Variants in TAFA5 observed in about 807,000 individuals in gnomAD.
TAFA5 encodes the protein chemokine-like protein TAFA-5.
Under a neutral mutation model 15.3 loss-of-function variants are expected in TAFA5, and 6 were observed. The observed-to-expected ratio is 0.39, with a 90% CI of 0.21 to 0.77. TAFA5 has a LOEUF of 0.77. Among genes scored for constraint, TAFA5 ranks in the 30% least tolerant of loss-of-function variants. The pLI, the probability that TAFA5 is intolerant of heterozygous loss-of-function variation, is 0.41. For missense variants in TAFA5, 161 were observed against 193.1 expected, an observed-to-expected ratio of 0.83 and a Z score of 0.98; for synonymous variants, 103 against 80.7, an observed-to-expected ratio of 1.28 and a Z score of -1.48.
chr22:48,664,983 C>G (rs1927563273), intron 2 of TAFA5, among the ~76,000 whole-genome samples: 1 of 152,166 alleles, frequency 6.6e-6, no homozygotes, highest in Non-Finnish European at 1.5e-5. Flanking sequence ...GTGACCTAGC[C>G]ACGGTAGGCC....
intron 2 of TAFA5, among the ~76,000 whole-genome samples, chr22:48,655,096 G>A (rs1253488980): frequency 6.6e-6 from 1 of 152,184 alleles, no homozygotes; most frequent in Non-Finnish European, 1.5e-5. Context: ...CTGTCATTGT[G>A]TACTGGGCAT....
intron 3 of TAFA5, among the ~76,000 whole-genome samples, chr22:48,748,396 G>T (rs548681414): frequency 7.6e-4 from 116 of 152,346 alleles, no homozygotes; most frequent in African/African-American, 2.7e-3. Flanking sequence ...GGCCCCAGGG[G>T]TGCAGTGAGG....
At chr22:48,578,072 C>G (rs369744392) in intron 1 of TAFA5, among the ~76,000 whole-genome samples, 3 of 152,256 alleles carry the variant, frequency 2.0e-5, no homozygotes, top group Non-Finnish European at 4.4e-5. Context: ...AAAGGGGTCC[C>G]TGCTCTGCTG....
chr22:48,542,630 G>GGGGTGTGATGTGT (rs1922486159), intron 1 of TAFA5, among the ~76,000 whole-genome samples: 1 of 16,892 alleles, frequency 5.9e-5, no homozygotes, highest in African/African-American at 3.8e-4. Context: ...GGTGTGTGTG[G>GGGGTGTGATGTGT]GTGTGTGATG....
intron 1 of TAFA5, among the ~76,000 whole-genome samples, chr22:48,561,119 G>C (rs578031800): frequency 6.6e-6 from 1 of 152,242 alleles, no homozygotes; most frequent in East Asian, 1.9e-4. Context: ...CTGGGAAGGC[G>C]TGTGTGATCA....
At chr22:48,600,075 A>T (rs142298396) in intron 1 of TAFA5, among the ~76,000 whole-genome samples, 458 of 152,284 alleles carry the variant, frequency 3.0e-3, no homozygotes, top group Non-Finnish European at 3.1e-3. Flanking sequence ...TTGAGATTCC[A>T]GTCAAAATAA....
intron 2 of TAFA5, chr22:48,693,270 T>A: frequency 6.4e-7 from 1 of 1,573,976 alleles, no homozygotes; most frequent in Non-Finnish European, 8.6e-7. Flanking sequence ...TCAGACCTTT[T>A]CATCCCATAA....
At chr22:48,604,378 G>A (rs1264085568) in intron 1 of TAFA5, among the ~76,000 whole-genome samples, 3 of 152,238 alleles carry the variant, frequency 2.0e-5, no homozygotes, top group South Asian at 4.1e-4. Flanking sequence ...CAGATTCCAC[G>A]GTGTTTTCTC....
At chr22:48,674,810 T>G (rs1927918564) in intron 2 of TAFA5, among the ~76,000 whole-genome samples, 1 of 152,196 alleles carries the variant, frequency 6.6e-6, no homozygotes, top group East Asian at 1.9e-4. Context: ...CCTGGCCCGA[T>G]GCACAGTTTT....
intron 1 of TAFA5, among the ~76,000 whole-genome samples, chr22:48,534,549 A>G (rs1353259035): frequency 1.3e-5 from 2 of 152,062 alleles, no homozygotes; most frequent in Non-Finnish European, 2.9e-5. Flanking sequence ...GGCCTGAGGG[A>G]GGCTGCAGTT....
chr22:48,558,432 C>G (rs530233950), intron 1 of TAFA5, among the ~76,000 whole-genome samples: 1 of 152,098 alleles, frequency 6.6e-6, no homozygotes, highest in African/African-American at 2.4e-5. Context: ...GTTCTTGGGG[C>G]TCATAATCAT....
At chr22:48,708,411 C>T (rs752536594) in intron 3 of TAFA5, among the ~76,000 whole-genome samples, 3 of 152,334 alleles carry the variant, frequency 2.0e-5, no homozygotes, top group Admixed American at 2.0e-4. Flanking sequence ...CCCAAAGCCA[C>T]GGCTGACCTG....
At chr22:48,689,869 G>A (rs886688293) in intron 2 of TAFA5, among the ~76,000 whole-genome samples, 1 of 152,216 alleles carries the variant, frequency 6.6e-6, no homozygotes, top group Non-Finnish European at 1.5e-5. Flanking sequence ...CTCTGAGCCT[G>A]GCTGGGTGCT....
chr22:48,738,136 G>A (rs534367976), intron 3 of TAFA5, among the ~76,000 whole-genome samples: 67 of 152,316 alleles, frequency 4.4e-4, no homozygotes, highest in Non-Finnish European at 4.4e-4. Flanking sequence ...GGCCAAGTGT[G>A]AAATTTCCTT....
intron 3 of TAFA5, among the ~76,000 whole-genome samples, chr22:48,732,046 A>G (rs1207493035): frequency 1.3e-5 from 2 of 152,194 alleles, no homozygotes; most frequent in Non-Finnish European, 2.9e-5. Context: ...CCTGTTTGGA[A>G]TAAGTTGAAT....
At chr22:48,643,481 G>A (rs1389545519) in intron 1 of TAFA5, among the ~76,000 whole-genome samples, 1 of 152,154 alleles carries the variant, frequency 6.6e-6, no homozygotes, top group African/African-American at 2.4e-5. Flanking sequence ...AGACCCTCCA[G>A]TGTGCACTTT....
chr22:48,739,007 C>T (rs2147272313), intron 3 of TAFA5, among the ~76,000 whole-genome samples: 1 of 152,328 alleles, frequency 6.6e-6, no homozygotes, highest in Admixed American at 6.5e-5. Context: ...TGATTCAAAA[C>T]AATGAACCTT....
chr22:48,644,371 G>T (rs1270653345), intron 1 of TAFA5, among the ~76,000 whole-genome samples: 3 of 152,238 alleles, frequency 2.0e-5, no homozygotes, highest in Non-Finnish European at 2.9e-5. Context: ...CACCAGCCAT[G>T]ACTCAGCAGG....
At chr22:48,575,476 C>T (rs1601588426) in intron 1 of TAFA5, among the ~76,000 whole-genome samples, 1 of 146,236 alleles carries the variant, frequency 6.8e-6, no homozygotes, top group South Asian at 2.1e-4. Flanking sequence ...CCCCTCCCGC[C>T]GCCTCCCCCG....
Sources: allele counts gnomAD v4.1 joint callset (sites outside exome capture counted in the v4.1 genomes callset), GRCh38; gene constraint gnomAD v4.1.1; transcripts MANE v1.5; gene names NCBI Gene and HGNC (gene_info 2026-07-23, HGNC 2026-07-21).